The following IP6K1 variants were observed in gnomAD, a reference collection of about 807,000 sequenced individuals.
IP6K1 encodes ATP:1D-myo-inositol-hexakisphosphate phosphotransferase.
In IP6K1, 13 loss-of-function variants were observed where a neutral mutation model predicts 38.3. The ratio of observed to expected loss-of-function variants is 0.34; its 90% confidence interval spans 0.22 to 0.54. The LOEUF is 0.54. Among genes scored for constraint, IP6K1 ranks in the 20% least tolerant of loss-of-function variants. The probability of loss-of-function intolerance (pLI) is 0.92; values close to 1 mark genes in which losing one functional copy is unlikely to be tolerated. For synonymous variants in IP6K1, 212 were observed against 229.9 expected, an observed-to-expected ratio of 0.92 and a Z score of 0.70; for missense variants, 397 against 599.8, an observed-to-expected ratio of 0.66 and a Z score of 3.53.
At chr3:49,730,321 G>A (rs574500708) in intron 4 of IP6K1, among the ~76,000 whole-genome samples, 1 of 152,254 alleles carries the variant, frequency 6.6e-6, no homozygotes, top group East Asian at 1.9e-4. Flanking sequence ...ACAGATGTGG[G>A]CCACCACACC....
chr3:49,776,649 C>T (rs1431444299), intron 1 of IP6K1, among the ~76,000 whole-genome samples: 1 of 152,082 alleles, frequency 6.6e-6, no homozygotes, highest in African/African-American at 2.4e-5. Context: ...GCTAGGAACA[C>T]ACAACTCAAA....
intron 1 of IP6K1, among the ~76,000 whole-genome samples, chr3:49,774,222 T>G (rs1446233290): frequency 1.3e-5 from 2 of 151,700 alleles, no homozygotes; most frequent in East Asian, 3.9e-4. Context: ...CTGGCTAACA[T>G]GGTGAAACCC....
At position 49,743,606 on chromosome 3, in the gene IP6K1, G is replaced by GT. The variant is rs1169796903; in HGVS notation, c.223+4211dup. 6.6e-3 allele frequency among the ~76,000 whole-genome samples: 858 copies of GT among 129,226 alleles called. 10 individuals are homozygous for GT. Among genetic ancestry groups the GT allele is most frequent in the African/African-American group, 0.019 (695 of 36,502 alleles). 84.8% of individuals were successfully genotyped at this position (129,226 alleles called of 152,430 possible). On this transcript the variant is annotated intron_variant, in intron 2 of 5. Transcript: ENST00000321599. ...AGGTGGGAGGATCACTTGAGCCATA[G>GT]TTTTTTTTTTTTGTTTTTTTTTTTT...
intron 2 of IP6K1, among the ~76,000 whole-genome samples, chr3:49,741,470 T>C (rs569493429): frequency 6.6e-6 from 1 of 152,222 alleles, no homozygotes; most frequent in African/African-American, 2.4e-5. Flanking sequence ...TGGAAAAATC[T>C]CTATTCAAGC....
intron 1 of IP6K1, among the ~76,000 whole-genome samples, chr3:49,755,530 A>C (rs1166321101): frequency 6.6e-6 from 1 of 152,196 alleles, no homozygotes; most frequent in Non-Finnish European, 1.5e-5. Context: ...ATGTGTCTTT[A>C]ATTTGTTTTT....
intron 1 of IP6K1, among the ~76,000 whole-genome samples, chr3:49,777,044 G>A (rs2081022687): frequency 6.6e-6 from 1 of 152,082 alleles, no homozygotes; most frequent in African/African-American, 2.4e-5. Flanking sequence ...AGACAAGCCT[G>A]GTCAACATGG....
In IP6K1 at chr3:49,747,819, T is replaced by G. The variant is rs1465527228; in HGVS notation, c.222A>C (p.Lys74Asn). 1 of 1,614,050 alleles carries G rather than the reference T, an allele frequency of 6.2e-7. No homozygotes were observed. Among genetic ancestry groups the G allele is most frequent in the South Asian group, 1.1e-5 (1 of 91,074 alleles). The change falls in exon 2 of 6, where the codon AAA becomes AAC. Residue 74 changes from lysine to asparagine, a missense_variant and splice_region_variant. Lys to Asn is a moderately conservative substitution (Grantham distance 94). Around this residue, in one of 3 missense-constraint regions of IP6K1, gnomAD observed 171 missense variants for 237.0 expected, o/e 0.72. Coordinates refer to ENST00000321599, the MANE Select transcript of IP6K1 (RefSeq NM_153273.4). ...TCATTAAACTGGCCAGTGACTGACC[T>G]TTGTATTCAGGGGTGAACTCCTTCA... is the stretch of plus-strand genomic sequence containing the variant. ...PEMKEFTPEY[K>N]GVVSVCFEGD...
chr3:49,765,242 G>A (rs1018508409), intron 1 of IP6K1, among the ~76,000 whole-genome samples: 3 of 152,114 alleles, frequency 2.0e-5, no homozygotes, highest in African/African-American at 7.2e-5. Flanking sequence ...TACAAGAAAT[G>A]CTAAAGGGAG....
At chr3:49,737,251 T>C (rs1283797431) in intron 3 of IP6K1, among the ~76,000 whole-genome samples, 3 of 152,158 alleles carry the variant, frequency 2.0e-5, no homozygotes, top group Non-Finnish European at 2.9e-5. Flanking sequence ...GTTTCCCAAG[T>C]GGCTGCACCA....
At chr3:49,772,241 A>ATATGTG (rs1318675693) in intron 1 of IP6K1, among the ~76,000 whole-genome samples, 2 of 141,198 alleles carry the variant, frequency 1.4e-5, no homozygotes, top group African/African-American at 5.2e-5. Context: ...ATATATATAT[A>ATATGTG]TGTGTGTGTG....
chr3:49,767,766 TA>T (rs1242297631), intron 1 of IP6K1, among the ~76,000 whole-genome samples: 1 of 152,008 alleles, frequency 6.6e-6, no homozygotes, highest in Non-Finnish European at 1.5e-5. Context: ...TTAATTAATT[TA>T]AAAAGAGTGA....
Position 49,724,398 on chromosome 3 carries a change from C to T in IP6K1, c.*2724G>A, listed in dbSNP as rs2080475960. The T allele has an allele frequency of 6.6e-6, 1 of 152,314 alleles. No homozygotes were observed. Among genetic ancestry groups the T allele is most frequent in the Admixed American group, 6.5e-5 (1 of 15,292 alleles). The allele number at this position is 152,314 out of a possible 1,614,324, so 9.4% of individuals were successfully genotyped here. A position where few individuals can be genotyped will look rare whatever the true frequency, so the allele number is the denominator to read the frequency against. On this transcript the variant is annotated 3_prime_UTR_variant, in exon 6 of 6. Coordinates refer to ENST00000321599, the MANE Select transcript of IP6K1 (RefSeq NM_153273.4). ...AGCGGGCTCGGACCGAGCACCCCCT[C>T]CCCCGCACGCAAGGTCCAAAGCAAA...
intron 1 of IP6K1, among the ~76,000 whole-genome samples, chr3:49,780,387 T>C (rs1464339328): frequency 1.4e-5 from 2 of 140,860 alleles, no homozygotes; most frequent in African/African-American, 5.2e-5. Flanking sequence ...AATTCTGCTG[T>C]AGTAGGAGAA....
At chr3:49,773,980 AACACACAC>A (rs10575617) in intron 1 of IP6K1, among the ~76,000 whole-genome samples, 1,555 of 142,252 alleles carry the variant, frequency 0.011, 23 homozygotes, top group African/African-American at 0.033. Flanking sequence ...CTCTCTCTAA[AACACACAC>A]ACACACACAC....
intron 1 of IP6K1, among the ~76,000 whole-genome samples, chr3:49,751,839 A>G (rs935378112): frequency 4.6e-5 from 7 of 152,334 alleles, no homozygotes; most frequent in East Asian, 3.9e-4. Context: ...CTCACTGGTG[A>G]ATTGCAACAA....
Position 49,748,109 on chromosome 3 carries a change from T to A in IP6K1, c.-69A>T. The A allele has an allele frequency of 6.5e-7, 1 of 1,542,196 alleles. No homozygotes were observed. The highest frequency in any genetic ancestry group is 8.9e-7 in the Non-Finnish European group (1 of 1,119,416). On this transcript the variant is annotated 5_prime_UTR_variant, in exon 2 of 6. An upstream start codon of the reference 5' UTR is lost. Transcript: ENST00000321599. ...CATGGGCCACAAAAGGAGAGCTACA[T>A]AGAAGGTCCTGGCCAGGTGAAAGCC...
At chr3:49,750,185 T>C (rs1335713227) in intron 1 of IP6K1, among the ~76,000 whole-genome samples, 2 of 152,144 alleles carry the variant, frequency 1.3e-5, no homozygotes, top group East Asian at 1.9e-4. Context: ...GAGGTGGTCA[T>C]TGCAGCTGTG....
At chr3:49,763,483 T>C (rs1219896379) in intron 1 of IP6K1, among the ~76,000 whole-genome samples, 5 of 152,122 alleles carry the variant, frequency 3.3e-5, no homozygotes, top group Non-Finnish European at 7.3e-5. Context: ...TAGAACAATG[T>C]CCTTCATGAA....
At chr3:49,783,398 G>A (rs1026465662) in intron 1 of IP6K1, among the ~76,000 whole-genome samples, 1 of 151,854 alleles carries the variant, frequency 6.6e-6, no homozygotes, top group African/African-American at 2.4e-5. Flanking sequence ...AAAAAAGCAG[G>A]GGCTTGGGAC....
Sources: gnomAD v4.1 joint callset for allele counts (sites outside exome capture counted in the v4.1 genomes callset) on GRCh38, gnomAD v4.1.1 for gene constraint, gnomAD v4.1.1 regional missense constraint, MANE v1.5 for transcripts, NCBI Gene and HGNC (gene_info 2026-07-23, HGNC 2026-07-21) for gene names.